Variants in ROBO2 observed in about 807,000 individuals in gnomAD.
The protein encoded by ROBO2 is roundabout guidance receptor 2.
In ROBO2, 53 loss-of-function variants were observed where a neutral mutation model predicts 160.8. That is an observed-to-expected ratio of 0.33 (90% CI 0.26 to 0.41). The LOEUF is 0.41. ROBO2 is among the 10% of genes least tolerant of loss of function. The pLI is 1.00. For missense variants in ROBO2, 1,577 were observed against 1,722.4 expected (o/e 0.92, Z 1.49); for synonymous variants, 664 against 611.7 (o/e 1.09, Z -1.26).
intron 2 of ROBO2, among the ~76,000 whole-genome samples, chr3:76,145,826 A>G (rs1257770871): frequency 6.6e-6 from 1 of 152,188 alleles, no homozygotes; most frequent in South Asian, 2.1e-4. Flanking sequence ...AAAATAGGCA[A>G]TTTCCAAATT....
chr3:77,419,830 G>A (rs1430492944), intron 2 of ROBO2, among the ~76,000 whole-genome samples: 1 of 152,066 alleles, frequency 6.6e-6, no homozygotes, highest in Non-Finnish European at 1.5e-5. Flanking sequence ...AGCTAGAAAA[G>A]CCTAATATTT....
intron 2 of ROBO2, among the ~76,000 whole-genome samples, chr3:76,292,763 T>G (rs956174212): frequency 2.0e-5 from 3 of 152,194 alleles, no homozygotes; most frequent in Non-Finnish European, 4.4e-5. Context: ...ATAGGGCATA[T>G]TGTTCTATTG....
At chr3:76,495,252 A>G (rs2080084854) in intron 2 of ROBO2, among the ~76,000 whole-genome samples, 1 of 147,686 alleles carries the variant, frequency 6.8e-6, no homozygotes, top group Non-Finnish European at 1.5e-5. Flanking sequence ...AGTTTAAGAC[A>G]CACACAAAAA....
rs71104611 is a variant in ROBO2 at position 76,642,341 on chromosome 3, C to CTTTTTTTT, written c.110-455651_110-455644dup. ...GCTAATTCAGAAATATTTACACTTG[C>CTTTTTTTT]TTTTTTTTTTTTTTTTTTTTTTTTT... On this transcript the variant is annotated intron_variant, in intron 2 of 26. Coordinates refer to the ROBO2 transcript ENST00000487694. Among the ~76,000 whole-genome samples the CTTTTTTTT allele has an allele frequency of 4.2e-4, 26 of 62,216 alleles. 5 individuals carry two copies. The highest frequency in any genetic ancestry group is 1.4e-3 in the African/African-American group (20 of 13,908). The allele number at this position is 62,216 out of a possible 152,430, so 40.8% of individuals were successfully genotyped here. A position where few individuals can be genotyped will look rare whatever the true frequency, so the allele number is the denominator to read the frequency against.
chr3:77,190,572 A>C (rs1254722455), intron 2 of ROBO2, among the ~76,000 whole-genome samples: 1 of 151,964 alleles, frequency 6.6e-6, no homozygotes, highest in Non-Finnish European at 1.5e-5. Flanking sequence ...TAGCATTATA[A>C]TCTGTGAAAA....
At chr3:76,042,468 A>G (rs751363923) in intron 2 of ROBO2, among the ~76,000 whole-genome samples, 1 of 152,100 alleles carries the variant, frequency 6.6e-6, no homozygotes, top group African/African-American at 2.4e-5. Flanking sequence ...TATGTATGCG[A>G]TTATTTACAT....
intron 2 of ROBO2, among the ~76,000 whole-genome samples, chr3:77,229,677 A>AAAG (rs1553858316): frequency 2.6e-5 from 4 of 151,258 alleles, no homozygotes; most frequent in Non-Finnish European, 5.9e-5. Context: ...AAAAAAAAAA[A>AAAG]AGAGAGAGAA....
At chr3:76,944,013 A>C (rs969287052) in intron 2 of ROBO2, among the ~76,000 whole-genome samples, 2 of 152,200 alleles carry the variant, frequency 1.3e-5, no homozygotes, top group African/African-American at 4.8e-5. Flanking sequence ...TGGACTAATT[A>C]AATAGAAACT....
chr3:76,392,069 T>G (rs528986391), intron 2 of ROBO2, among the ~76,000 whole-genome samples: 1 of 152,204 alleles, frequency 6.6e-6, no homozygotes, highest in African/African-American at 2.4e-5. Context: ...TTCATAACAT[T>G]ATTAATTATT....
intron 2 of ROBO2, among the ~76,000 whole-genome samples, chr3:76,807,432 C>A (rs1268420715): frequency 6.6e-6 from 1 of 152,026 alleles, no homozygotes; most frequent in East Asian, 1.9e-4. Flanking sequence ...CATTTATTGG[C>A]AGACCAAGAT....
In ROBO2 at chr3:77,416,193, T is replaced by A. The variant is rs147922558; in HGVS notation, c.389-61221T>A. Among the ~76,000 whole-genome samples the A allele has an allele frequency of 2.6e-5, 4 of 152,262 alleles. No individual in the cohort carries two copies. The East Asian group carries it at 7.8e-4, about 30-fold the overall frequency. On this transcript the variant is annotated intron_variant, in intron 2 of 25. Coordinates refer to ENST00000461745, the Ensembl canonical transcript of ROBO2. ...GAGGGGGAGGGCCCGAAAGTGGGTA[T>A]CCCAATGTGTGCCTGAGTCTGGGGT...
At chr3:76,290,286 CT>C (rs1176953763) in intron 2 of ROBO2, among the ~76,000 whole-genome samples, 2 of 151,926 alleles carry the variant, frequency 1.3e-5, no homozygotes, top group African/African-American at 4.8e-5. Context: ...GTATTTTATT[CT>C]TTTTGTGGCT....
exon 26 of ROBO2, chr3:77,646,726 G>A (rs1026713264): frequency 1.3e-5 from 2 of 152,198 alleles, no homozygotes; most frequent in Non-Finnish European, 2.9e-5. Context: ...ATAGTAGAAA[G>A]GTGGCTTTTA....
intron 2 of ROBO2, among the ~76,000 whole-genome samples, chr3:76,412,557 C>T (rs972233491): frequency 2.0e-5 from 3 of 152,204 alleles, no homozygotes; most frequent in Non-Finnish European, 4.4e-5. Flanking sequence ...AATACAGCCA[C>T]TCCAAATGGA....
chr3:76,312,421 G>C (rs1403611945), intron 2 of ROBO2, among the ~76,000 whole-genome samples: 1 of 152,120 alleles, frequency 6.6e-6, no homozygotes, highest in Non-Finnish European at 1.5e-5. Flanking sequence ...CCATCAGTCT[G>C]ATCTTTCTGC....
intron 2 of ROBO2, among the ~76,000 whole-genome samples, chr3:76,267,068 T>G (rs1707143753): frequency 6.6e-6 from 1 of 152,182 alleles, no homozygotes; most frequent in South Asian, 2.1e-4. Flanking sequence ...TTAACAATAT[T>G]GATTTGTATT....
chr3:76,692,878 T>C (rs1326850145), intron 2 of ROBO2, among the ~76,000 whole-genome samples: 1 of 151,770 alleles, frequency 6.6e-6, no homozygotes, highest in African/African-American at 2.4e-5. Context: ...AAACACACTA[T>C]ATAACTCTCT....
chr3:76,335,505 A>G (rs2073821117), intron 2 of ROBO2, among the ~76,000 whole-genome samples: 1 of 151,858 alleles, frequency 6.6e-6, no homozygotes, highest in Non-Finnish European at 1.5e-5. Flanking sequence ...TATATTTGAA[A>G]TGATATAAAA....
rs555936919 is a variant in ROBO2 at position 76,045,355 on chromosome 3, G to T, written c.109+107753G>T. 1.1e-4 allele frequency among the ~76,000 whole-genome samples: 16 copies of T among 152,000 alleles called. No individual in the cohort carries two copies. The South Asian group carries it at 3.1e-3, about 30-fold the overall frequency. On this transcript the variant is annotated intron_variant, in intron 2 of 26. Transcript: ENST00000487694. ...TACTACTTTCTCACATTCCACTGTG[G>T]AATGGACATGAGCTGGGAGCACAGA...
Sources: allele counts gnomAD v4.1 joint callset (sites outside exome capture counted in the v4.1 genomes callset), GRCh38; gene constraint gnomAD v4.1.1; transcripts MANE v1.5; gene names NCBI Gene and HGNC (gene_info 2026-07-23, HGNC 2026-07-21).